EXOC6B: variants seen among roughly 807,000 people sequenced by gnomAD.
EXOC6B encodes the protein exocyst complex component 6B, also known as SEC15 homolog B.
Under a neutral mutation model 113.5 loss-of-function variants are expected in EXOC6B, and 54 were observed. The observed-to-expected ratio is 0.48, with a 90% confidence interval of 0.38 to 0.60. The LOEUF is 0.60. Among genes scored for constraint, EXOC6B ranks in the 20% least tolerant of loss-of-function variants. The pLI is 0.00. For synonymous variants in EXOC6B, 357 were observed against 339.0 expected (o/e 1.05, Z -0.58); for missense variants, 797 against 977.5 (o/e 0.82, Z 2.46).
At chr2:72,278,352 T>C (rs1319277548) in intron 20 of EXOC6B, among the ~76,000 whole-genome samples, 2 of 152,184 alleles carry the variant, frequency 1.3e-5, no homozygotes, top group Non-Finnish European at 2.9e-5. Flanking sequence ...AGAGGGACAA[T>C]TGAAAGCTGA....
At chr2:72,404,886 G>C (rs1693616412) in intron 18 of EXOC6B, among the ~76,000 whole-genome samples, 1 of 152,110 alleles carries the variant, frequency 6.6e-6, no homozygotes, top group Non-Finnish European at 1.5e-5. Context: ...GAGAGAAGAA[G>C]GCTTCAGACG....
chr2:72,396,446 A>T (rs549598779), intron 18 of EXOC6B, among the ~76,000 whole-genome samples: 3 of 152,208 alleles, frequency 2.0e-5, no homozygotes, highest in Non-Finnish European at 4.4e-5. Flanking sequence ...ACAGCCCCTC[A>T]ATTTAGCTTC....
intron 6 of EXOC6B, among the ~76,000 whole-genome samples, chr2:72,711,785 C>T (rs1679287990): frequency 6.6e-6 from 1 of 152,078 alleles, no homozygotes; most frequent in Non-Finnish European, 1.5e-5. Flanking sequence ...TACTAAGTGA[C>T]TAACAGGTGG....
chr2:72,637,002 A>G (rs974095531), intron 6 of EXOC6B, among the ~76,000 whole-genome samples: 1 of 152,174 alleles, frequency 6.6e-6, no homozygotes, highest in East Asian at 1.9e-4. Context: ...CAAAAGACCA[A>G]TTTCATTTGA....
At chr2:72,697,181 T>C (rs967877115) in intron 6 of EXOC6B, among the ~76,000 whole-genome samples, 2 of 150,798 alleles carry the variant, frequency 1.3e-5, no homozygotes, top group Non-Finnish European at 2.9e-5. Context: ...AAATATTTTA[T>C]TGATGGCAGC....
intron 1 of EXOC6B, among the ~76,000 whole-genome samples, chr2:72,789,726 CAT>C (rs1684571180): frequency 6.6e-6 from 1 of 152,030 alleles, no homozygotes; most frequent in South Asian, 2.1e-4. Context: ...ACCAATCTGA[CAT>C]ATAGAGGAAA....
intron 18 of EXOC6B, among the ~76,000 whole-genome samples, chr2:72,420,017 C>T (rs1315528450): frequency 1.3e-5 from 2 of 152,138 alleles, no homozygotes; most frequent in Non-Finnish European, 2.9e-5. Flanking sequence ...GCAAACTAAA[C>T]TCTTCCCATT....
rs182099085 is a variant in EXOC6B at position 72,531,000 on chromosome 2, T to A, written c.916-15874A>T. 4.6e-5 allele frequency among the ~76,000 whole-genome samples: 7 copies of A among 152,232 alleles called. No homozygotes were observed. In the East Asian group the frequency reaches 1.4e-3, roughly 29 times the overall value. On this transcript the variant is annotated intron_variant, in intron 8 of 21. Transcript: ENST00000272427. ...AAGTGATTTTTCTATAGACAATATG[T>A]CTTAATCCATTTTATCAATATCTGC...
At chr2:72,247,451 T>C (rs1682738053) in intron 20 of EXOC6B, among the ~76,000 whole-genome samples, 1 of 152,220 alleles carries the variant, frequency 6.6e-6, no homozygotes, top group African/African-American at 2.4e-5. Flanking sequence ...GCTGTCATTA[T>C]CACACAGATG....
At chr2:72,283,368 T>G (rs1685244202) in intron 20 of EXOC6B, among the ~76,000 whole-genome samples, 1 of 152,040 alleles carries the variant, frequency 6.6e-6, no homozygotes, top group Admixed American at 6.6e-5. Flanking sequence ...GTAAAAGAAG[T>G]AAGAGCACAG....
chr2:72,592,275 T>G (rs1165980658), intron 6 of EXOC6B, among the ~76,000 whole-genome samples: 3 of 152,144 alleles, frequency 2.0e-5, no homozygotes, highest in Non-Finnish European at 4.4e-5. Context: ...TTGCCAATAT[T>G]GGAGGGGTGA....
In EXOC6B at chr2:72,177,578, C is replaced by T. The variant is rs1292506181; in HGVS notation, c.*1757G>A. The T allele has an allele frequency of 6.6e-6, 1 of 152,248 alleles. No individual in the cohort carries two copies. The highest frequency in any genetic ancestry group is 6.5e-5 in the Admixed American group (1 of 15,284). The allele number at this position is 152,248 out of a possible 1,614,324, so 9.4% of individuals were successfully genotyped here. A position where few individuals can be genotyped will look rare whatever the true frequency, so the allele number is the denominator to read the frequency against. ...AAACCCTGGCCAACCATCCAGCCCTCAGGATGAGCCTCAGCAGCATCTATG... is the reference window on the plus strand; with the variant it reads ...AAACCCTGGCCAACCATCCAGCCCTTAGGATGAGCCTCAGCAGCATCTATG... On this transcript the variant is annotated 3_prime_UTR_variant, in exon 22 of 22. Transcript: ENST00000272427.
At chr2:72,482,870 A>C (rs1265180541) in intron 16 of EXOC6B, among the ~76,000 whole-genome samples, 1 of 152,190 alleles carries the variant, frequency 6.6e-6, no homozygotes, top group Admixed American at 6.5e-5. Flanking sequence ...AAACACAATA[A>C]CAAAGGGCAA....
At chr2:72,528,631 A>G (rs1303266247) in intron 8 of EXOC6B, among the ~76,000 whole-genome samples, 4 of 152,086 alleles carry the variant, frequency 2.6e-5, no homozygotes, top group Admixed American at 2.6e-4. Context: ...CCTAGGAAAA[A>G]TTGGTATCTT....
chr2:72,382,820 G>C (rs1691770498), intron 18 of EXOC6B, among the ~76,000 whole-genome samples: 1 of 151,892 alleles, frequency 6.6e-6, no homozygotes, highest in African/African-American at 2.4e-5. Flanking sequence ...TCTCTACTTT[G>C]GTGCTATTGG....
chr2:72,489,270 A>AT (rs1208103905), intron 16 of EXOC6B, among the ~76,000 whole-genome samples: 2 of 152,216 alleles, frequency 1.3e-5, no homozygotes, highest in Non-Finnish European at 2.9e-5. Flanking sequence ...CTCTGGTAGA[A>AT]TGTAAGCAAG....
intron 1 of EXOC6B, among the ~76,000 whole-genome samples, chr2:72,751,849 G>C (rs1682064552): frequency 6.6e-6 from 1 of 151,970 alleles, no homozygotes; most frequent in African/African-American, 2.4e-5. Flanking sequence ...ATTGATAAAA[G>C]ATGTAATGAA....
chr2:72,698,594 C>T (rs1026763531), intron 6 of EXOC6B, among the ~76,000 whole-genome samples: 1 of 151,736 alleles, frequency 6.6e-6, no homozygotes, highest in African/African-American at 2.4e-5. Flanking sequence ...ACTAACTGTA[C>T]AACAGAAATA....
intron 6 of EXOC6B, among the ~76,000 whole-genome samples, chr2:72,650,795 G>A (rs755739786): frequency 6.6e-6 from 1 of 151,406 alleles, no homozygotes; most frequent in Non-Finnish European, 1.5e-5. Flanking sequence ...AATACTTCAG[G>A]GAATGCAGAG....
Sources: allele counts gnomAD v4.1 joint callset (sites outside exome capture counted in the v4.1 genomes callset), GRCh38; gene constraint gnomAD v4.1.1; transcripts MANE v1.5; gene names NCBI Gene and HGNC (gene_info 2026-07-23, HGNC 2026-07-21).